NCALD: variants seen among roughly 807,000 people sequenced by gnomAD.
NCALD encodes neurocalcin-delta.
NCALD carries 10 observed loss-of-function variants against 18.6 expected under a neutral mutation model. The ratio of observed to expected loss-of-function variants is 0.54; its 90% CI spans 0.33 to 0.91. The LOEUF is 0.91. Among genes scored for constraint, NCALD ranks in the 40% least tolerant of loss-of-function variants. The pLI, the probability that NCALD is intolerant of heterozygous loss-of-function variation, is 0.03. For synonymous variants in NCALD, 88 were observed against 87.4 expected (o/e 1.01, Z -0.04); for missense variants, 184 against 247.6 (o/e 0.74, Z 1.72).
chr8:101,731,810 G>A (rs751130623), intron 1 of NCALD, among the ~76,000 whole-genome samples: 25 of 152,162 alleles, frequency 1.6e-4, no homozygotes, highest in Non-Finnish European at 2.2e-4. Context: ...CCAGCAATTG[G>A]AGGGGTACTT....
At chr8:102,078,074 T>C (rs1824404926) in intron 1 of NCALD, among the ~76,000 whole-genome samples, 1 of 151,982 alleles carries the variant, frequency 6.6e-6, no homozygotes, top group Admixed American at 6.6e-5. Context: ...TTATTTTCTC[T>C]CCTCCCTCAC....
intron 2 of NCALD, among the ~76,000 whole-genome samples, chr8:101,942,791 G>A (rs1193272355): frequency 4.6e-5 from 7 of 152,182 alleles, no homozygotes; most frequent in African/African-American, 1.7e-4. Flanking sequence ...AGGTCACATA[G>A]CAAGTAGGTG....
In NCALD at chr8:102,010,937, C is replaced by T. The variant is rs565744036; in HGVS notation, c.-157+9300G>A. ...GTACAAGAAAGTTGATAATTTCAAC[C>T]AAATGATCTTCATATATCCCATGAA... On this transcript the variant is annotated intron_variant, in intron 2 of 6. Coordinates refer to the NCALD transcript ENST00000311028. Among the ~76,000 whole-genome samples, 225 of 152,252 alleles carry T rather than the reference C, an allele frequency of 1.5e-3. 1 individual carries two copies. Among genetic ancestry groups the T allele is most frequent in the Middle Eastern group, 3.4e-3 (1 of 294 alleles).
chr8:101,734,130 C>G (rs1054907052), intron 1 of NCALD, among the ~76,000 whole-genome samples: 1 of 152,298 alleles, frequency 6.6e-6, no homozygotes, highest in East Asian at 1.9e-4. Flanking sequence ...GGATCACTGC[C>G]TCTAGTTGGT....
At chr8:101,814,597 A>G (rs1813424892) in intron 4 of NCALD, among the ~76,000 whole-genome samples, 1 of 152,080 alleles carries the variant, frequency 6.6e-6, no homozygotes, top group Non-Finnish European at 1.5e-5. Flanking sequence ...GTCTCTACTC[A>G]TTTGCAACAT....
At chr8:101,946,877 C>T (rs1819198185) in intron 2 of NCALD, among the ~76,000 whole-genome samples, 1 of 148,532 alleles carries the variant, frequency 6.7e-6, no homozygotes. Flanking sequence ...TAATTAATGA[C>T]CCAAATAATA....
chr8:101,832,646 T>A (rs955257251), intron 4 of NCALD, among the ~76,000 whole-genome samples: 2 of 152,188 alleles, frequency 1.3e-5, no homozygotes, highest in Admixed American at 6.5e-5. Context: ...AACTAGGTTA[T>A]ATTTATTTTT....
intron 1 of NCALD, among the ~76,000 whole-genome samples, chr8:102,063,853 T>A (rs1372907424): frequency 6.6e-6 from 1 of 152,214 alleles, no homozygotes; most frequent in African/African-American, 2.4e-5. Flanking sequence ...AACTTCAGGA[T>A]GGAAAACAGC....
chr8:101,693,135 C>T (rs1814811398), intron 2 of NCALD: 1 of 398,524 alleles, frequency 2.5e-6, no homozygotes, highest in South Asian at 2.5e-5. Flanking sequence ...ACCCAGTAGA[C>T]CCCTGTGTCT....
chr8:102,072,286 G>A (rs969292460), intron 1 of NCALD, among the ~76,000 whole-genome samples: 4 of 152,112 alleles, frequency 2.6e-5, no homozygotes, highest in African/African-American at 4.8e-5. Context: ...ATGATGGTGA[G>A]GAATTTCCAG....
intron 1 of NCALD, among the ~76,000 whole-genome samples, chr8:102,048,528 A>C (rs1823325452): frequency 1.3e-5 from 2 of 152,182 alleles, no homozygotes; most frequent in Non-Finnish European, 1.5e-5. Context: ...AGTAAATAAC[A>C]CAAGAGGCCA....
chr8:101,966,046 A>T (rs1016247297), intron 2 of NCALD, among the ~76,000 whole-genome samples: 1 of 152,144 alleles, frequency 6.6e-6, no homozygotes, highest in Non-Finnish European at 1.5e-5. Flanking sequence ...AAGAGCTAAT[A>T]TCCCTAAAAT....
intron 1 of NCALD, among the ~76,000 whole-genome samples, chr8:101,778,125 G>C (rs1811868584): frequency 6.6e-6 from 1 of 152,202 alleles, no homozygotes; most frequent in South Asian, 2.1e-4. Context: ...AGCCTTCCTG[G>C]TCCTGGCAGT....
intron 3 of NCALD, among the ~76,000 whole-genome samples, chr8:101,911,354 T>A (rs1473397660): frequency 6.9e-6 from 1 of 144,526 alleles, no homozygotes; most frequent in African/African-American, 2.7e-5. Context: ...TTTCTTTTTT[T>A]TCTTTTCTTT....
chr8:102,016,619 A>C (rs990422579), intron 2 of NCALD, among the ~76,000 whole-genome samples: 8 of 152,214 alleles, frequency 5.3e-5, no homozygotes, highest in Non-Finnish European at 1.0e-4. Flanking sequence ...TATGGCAATC[A>C]CAAATTCAAC....
At chr8:101,862,411 G>A (rs1199529161) in intron 4 of NCALD, among the ~76,000 whole-genome samples, 1 of 152,130 alleles carries the variant, frequency 6.6e-6, no homozygotes, top group Non-Finnish European at 1.5e-5. Flanking sequence ...CAAATGAATG[G>A]TGTTTTAATT....
chr8:101,809,101 C>A (rs780655763), intron 4 of NCALD, among the ~76,000 whole-genome samples: 2 of 152,068 alleles, frequency 1.3e-5, no homozygotes, highest in Non-Finnish European at 2.9e-5. Flanking sequence ...AATAGAAGTG[C>A]GTTCTAAAAG....
intron 4 of NCALD, among the ~76,000 whole-genome samples, chr8:101,864,347 C>T (rs1815669898): frequency 1.3e-5 from 2 of 152,152 alleles, no homozygotes; most frequent in South Asian, 2.1e-4. Flanking sequence ...AGCCACAGTG[C>T]ACACAGTGCA....
In NCALD at chr8:101,688,954, G is replaced by T; in HGVS notation, c.*355C>A. On this transcript the variant is annotated 3_prime_UTR_variant, in exon 4 of 4. Transcript: ENST00000220931. ...TTCAAACAAAAGCCCCTTGAAGCTTGCAATAGAATCACAGGACTGGATGGG... is the reference window on the plus strand; with the variant it reads ...TTCAAACAAAAGCCCCTTGAAGCTTTCAATAGAATCACAGGACTGGATGGG... The T allele has an allele frequency of 1.5e-6, 1 of 648,914 alleles. No homozygotes were observed. The highest frequency in any genetic ancestry group is 2.7e-5 in the East Asian group (1 of 36,910). The allele number at this position is 648,914 out of a possible 1,614,324, so 40.2% of individuals were successfully genotyped here. A position where few individuals can be genotyped will look rare whatever the true frequency, so the allele number is the denominator to read the frequency against.
Sources: allele counts gnomAD v4.1 joint callset (sites outside exome capture counted in the v4.1 genomes callset), GRCh38; gene constraint gnomAD v4.1.1; transcripts MANE v1.5; gene names NCBI Gene and HGNC (gene_info 2026-07-23, HGNC 2026-07-21).